Variants in ZFYVE28 observed in about 807,000 individuals in gnomAD.
ZFYVE28 encodes zinc finger FYVE-type containing 28.
ZFYVE28 carries 40 observed loss-of-function variants against 82.1 expected under a neutral mutation model. The ratio of observed to expected loss-of-function variants is 0.49; its 90% CI spans 0.38 to 0.63. The LOEUF is 0.63. ZFYVE28 is among the 30% of genes least tolerant of loss of function. ZFYVE28 has a pLI of 0.00. For missense variants in ZFYVE28, 1,321 were observed against 1,242.1 expected (o/e 1.06, Z -0.96); for synonymous variants, 612 against 546.1 (o/e 1.12, Z -1.68).
intron 1 of ZFYVE28, among the ~76,000 whole-genome samples, chr4:2,387,483 G>A (rs1458104655): frequency 5.3e-5 from 8 of 152,212 alleles, no homozygotes; most frequent in African/African-American, 1.7e-4. Flanking sequence ...GCCTGTCAGG[G>A]ATGTGCCGCC....
intron 7 of ZFYVE28, among the ~76,000 whole-genome samples, chr4:2,317,186 C>T (rs1718351914): frequency 6.6e-6 from 1 of 152,010 alleles, no homozygotes; most frequent in South Asian, 2.1e-4. Context: ...TGGGGTTTTG[C>T]CATGTTGGCT....
chr4:2,346,897 A>G (rs1364574317), intron 2 of ZFYVE28, among the ~76,000 whole-genome samples: 2 of 152,192 alleles, frequency 1.3e-5, no homozygotes, highest in Non-Finnish European at 1.5e-5. Context: ...GGACAAACAG[A>G]AAACAAATAG....
chr4:2,321,819 A>T (rs1016241486), intron 6 of ZFYVE28, among the ~76,000 whole-genome samples: 5 of 152,198 alleles, frequency 3.3e-5, no homozygotes, highest in African/African-American at 1.2e-4. Context: ...CCCCTCTGGA[A>T]ACCTCGCTCC....
chr4:2,292,583 A>T (rs1273980698), intron 8 of ZFYVE28, among the ~76,000 whole-genome samples: 1 of 152,228 alleles, frequency 6.6e-6, no homozygotes, highest in Non-Finnish European at 1.5e-5. Flanking sequence ...GGATTACTCA[A>T]CACTGCAGCA....
intron 2 of ZFYVE28, among the ~76,000 whole-genome samples, chr4:2,346,050 CA>C (rs1353126410): frequency 2.0e-5 from 3 of 151,942 alleles, no homozygotes; most frequent in Non-Finnish European, 2.9e-5. Context: ...AATTCTTGGC[CA>C]GGGGCGGTGG....
chr4:2,373,722 G>A (rs751701608), intron 1 of ZFYVE28, among the ~76,000 whole-genome samples: 4 of 152,094 alleles, frequency 2.6e-5, no homozygotes, highest in South Asian at 4.2e-4. Flanking sequence ...CGTTCCCCAC[G>A]GAGCCCCTCA....
intron 8 of ZFYVE28, among the ~76,000 whole-genome samples, chr4:2,301,144 G>A (rs969617127): frequency 6.0e-5 from 9 of 150,212 alleles, no homozygotes; most frequent in African/African-American, 2.0e-4. Context: ...TATCACCCCC[G>A]TATTGGTGTG....
At chr4:2,410,765 G>T (rs1732443245) in intron 1 of ZFYVE28, among the ~76,000 whole-genome samples, 1 of 152,164 alleles carries the variant, frequency 6.6e-6, no homozygotes, top group Non-Finnish European at 1.5e-5. Flanking sequence ...AAAGTGCTGG[G>T]ATTACAGGTG....
At chr4:2,291,089 G>A (rs531546752) in intron 8 of ZFYVE28, among the ~76,000 whole-genome samples, 23 of 152,322 alleles carry the variant, frequency 1.5e-4, no homozygotes, top group Admixed American at 4.6e-4. Flanking sequence ...CGCCCTTCTC[G>A]TCTCGCACCT....
intron 1 of ZFYVE28, among the ~76,000 whole-genome samples, chr4:2,375,488 C>T: frequency 6.6e-6 from 1 of 152,252 alleles, no homozygotes; most frequent in Non-Finnish European, 1.5e-5. Flanking sequence ...CTGAATGAAT[C>T]CACACCCAGC....
Position 2,297,271 on chromosome 4 carries a change from C to T in ZFYVE28, c.2051+7018G>A, listed in dbSNP as rs542090621. On this transcript the variant is annotated intron_variant, in intron 8 of 12. Coordinates refer to ENST00000290974, the MANE Select transcript of ZFYVE28 (RefSeq NM_020972.3). ...AGGGGCCCAGGAGGATTTGCAGCAGCGACCTCACCATGGGGCAGAGGGTCA... is the reference window on the plus strand; with the variant it reads ...AGGGGCCCAGGAGGATTTGCAGCAGTGACCTCACCATGGGGCAGAGGGTCA... Among the ~76,000 whole-genome samples, 109 of 152,338 alleles carry T rather than the reference C, an allele frequency of 7.2e-4. 1 individual carries two copies. The highest frequency in any genetic ancestry group is 2.4e-3 in the African/African-American group (98 of 41,584).
At chr4:2,400,864 C>T (rs1731099598) in intron 1 of ZFYVE28, among the ~76,000 whole-genome samples, 1 of 152,128 alleles carries the variant, frequency 6.6e-6, no homozygotes, top group African/African-American at 2.4e-5. Flanking sequence ...TGTTAACATC[C>T]TTTGGCAGCA....
At chr4:2,412,199 C>A (rs1379127639) in intron 1 of ZFYVE28, among the ~76,000 whole-genome samples, 1 of 152,174 alleles carries the variant, frequency 6.6e-6, no homozygotes, top group African/African-American at 2.4e-5. Flanking sequence ...GTGGCAGGCC[C>A]CCACTGAGAC....
intron 1 of ZFYVE28, among the ~76,000 whole-genome samples, chr4:2,404,585 C>T (rs187200496): frequency 1.3e-5 from 2 of 152,306 alleles, no homozygotes; most frequent in East Asian, 3.9e-4. Context: ...ACACAAAAGG[C>T]CCCACAGCAT....
chr4:2,315,310 G>C (rs905168018), intron 7 of ZFYVE28, among the ~76,000 whole-genome samples: 1 of 152,096 alleles, frequency 6.6e-6, no homozygotes, highest in Non-Finnish European at 1.5e-5. Flanking sequence ...TTTTGAAACA[G>C]AGTCTCACTC....
intron 8 of ZFYVE28, among the ~76,000 whole-genome samples, chr4:2,291,335 A>G (rs1241716471): frequency 1.3e-5 from 2 of 152,160 alleles, no homozygotes; most frequent in Admixed American, 1.3e-4. Context: ...GGGTGGAGGA[A>G]AACGACCCCT....
intron 8 of ZFYVE28, among the ~76,000 whole-genome samples, chr4:2,284,981 C>G (rs1221206897): frequency 6.6e-6 from 1 of 152,210 alleles, no homozygotes; most frequent in Non-Finnish European, 1.5e-5. Flanking sequence ...CCCCCAATAC[C>G]TTAAAATGTG....
rs948479811 is a variant in ZFYVE28 at position 2,339,449 on chromosome 4, G to C, written c.521+4C>G. 3 of 1,613,254 alleles carry C rather than the reference G, an allele frequency of 1.9e-6. No homozygotes were observed. The Admixed American group carries it at 5.0e-5, about 27-fold the overall frequency. ...CCAGGGCTGTGGACCCACAGCTGCA[G>C]TACCTGAGCTCAAACTCTGCGAACA... On this transcript the variant is annotated splice_donor_region_variant and intron_variant, in intron 4 of 12. Coordinates refer to ENST00000290974, the MANE Select transcript of ZFYVE28 (RefSeq NM_020972.3). The surrounding 1 kb of genome is among the most constrained non-coding windows in gnomAD (Gnocchi z 5.0).
At position 2,332,987 on chromosome 4, in the gene ZFYVE28, T is replaced by C. The variant is rs1578129321; in HGVS notation, c.701+2718A>G. Among the ~76,000 whole-genome samples, 2 of 152,108 alleles carry C rather than the reference T, an allele frequency of 1.3e-5. No homozygotes were observed. The highest frequency in any genetic ancestry group is 4.8e-5 in the African/African-American group (2 of 41,500). ...CCTGGACTCTGGCTTTGGGCTCTTA[T>C]GCCCTCTCGCCCTTCCTCCCTCCTT... On this transcript the variant is annotated intron_variant, in intron 6 of 12. Coordinates refer to ENST00000290974, the MANE Select transcript of ZFYVE28 (RefSeq NM_020972.3). The surrounding 1 kb of genome is among the most constrained non-coding windows in gnomAD (Gnocchi z 4.7).
Sources: allele counts gnomAD v4.1 joint callset (sites outside exome capture counted in the v4.1 genomes callset), GRCh38; gene constraint gnomAD v4.1.1; non-coding constraint Gnocchi (gnomAD v3.1); transcripts MANE v1.5; gene names NCBI Gene and HGNC (gene_info 2026-07-23, HGNC 2026-07-21).